Variants in ERBB4 observed in about 807,000 individuals in gnomAD.
ERBB4 encodes erb-b2 receptor tyrosine kinase 4.
In ERBB4, 42 loss-of-function variants were observed where a neutral mutation model predicts 158.0. That is an observed-to-expected ratio of 0.27 (90% CI 0.21 to 0.34). ERBB4 has a LOEUF of 0.34. Ranked by LOEUF, ERBB4 falls within the 10% of genes least tolerant of loss-of-function variation. The pLI is 1.00. For synonymous variants in ERBB4, 583 were observed against 558.7 expected (o/e 1.04, Z -0.61); for missense variants, 1,333 against 1,624.1 (o/e 0.82, Z 3.08).
intron 21 of ERBB4, among the ~76,000 whole-genome samples, chr2:211,429,388 C>T (rs772726657): frequency 9.9e-5 from 15 of 152,066 alleles, no homozygotes; most frequent in Non-Finnish European, 1.9e-4. Context: ...AATGACCCCT[C>T]TCATCTTGGT....
rs951155338 is a variant in ERBB4 at position 212,321,823 on chromosome 2, G to C, written c.83-196920C>G. Among the ~76,000 whole-genome samples the C allele has an allele frequency of 2.0e-5, 3 of 150,400 alleles. 1 individual carries two copies. The highest frequency in any genetic ancestry group is 4.5e-5 in the Non-Finnish European group (3 of 67,064). ...CCCTGGAATTATGCACAGTGACTTA[G>C]ATGTCTCGGTATCATTCATGGAATA... On this transcript the variant is annotated intron_variant, in intron 1 of 27. Transcript: ENST00000342788.
chr2:212,221,442 T>C (rs761206541), intron 1 of ERBB4, among the ~76,000 whole-genome samples: 1 of 151,538 alleles, frequency 6.6e-6, no homozygotes, highest in East Asian at 1.9e-4. Context: ...GGTATAGGTA[T>C]CAGTCACCTA....
At chr2:212,279,491 C>T (rs755711314) in intron 1 of ERBB4, among the ~76,000 whole-genome samples, 1 of 151,710 alleles carries the variant, frequency 6.6e-6, no homozygotes, top group East Asian at 1.9e-4. Context: ...CTGCCATATA[C>T]TTACCACATA....
At chr2:212,150,658 C>T (rs1243259274) in intron 1 of ERBB4, among the ~76,000 whole-genome samples, 1 of 152,138 alleles carries the variant, frequency 6.6e-6, no homozygotes, top group Non-Finnish European at 1.5e-5. Flanking sequence ...AGTTTAGACT[C>T]TCACCTTTTA....
chr2:211,789,130 A>G (rs547708506), intron 3 of ERBB4, among the ~76,000 whole-genome samples: 12 of 152,302 alleles, frequency 7.9e-5, no homozygotes, highest in African/African-American at 2.9e-4. Flanking sequence ...GAAATTAGCT[A>G]CAAATACACA....
intron 1 of ERBB4, among the ~76,000 whole-genome samples, chr2:212,296,536 A>T (rs1239249389): frequency 3.3e-5 from 5 of 151,984 alleles, no homozygotes; most frequent in African/African-American, 1.2e-4. Context: ...TAACAGAATT[A>T]AATCAGTATA....
rs913276337 is a variant in ERBB4 at position 212,070,141 on chromosome 2, T to C, written c.234+54611A>G. The stretch of plus-strand genomic sequence containing the variant: ...TCTCTTAAAGAAAAAATGAAAATAA[T>C]TTTTTAAAAAGTACAAGACTTCTGC... On this transcript the variant is annotated intron_variant, in intron 2 of 27. Transcript: ENST00000342788. Among the ~76,000 whole-genome samples the C allele has an allele frequency of 4.0e-5, 6 of 151,846 alleles. No homozygotes were observed. In the South Asian group the frequency reaches 6.2e-4, roughly 16 times the overall value.
chr2:211,429,749 T>C (rs1190705323), intron 21 of ERBB4, among the ~76,000 whole-genome samples: 1 of 152,236 alleles, frequency 6.6e-6, no homozygotes, highest in Non-Finnish European at 1.5e-5. Context: ...TTGAAAGTAA[T>C]TTCCCTACGG....
At chr2:211,396,849 G>C (rs1279132157) in intron 25 of ERBB4, among the ~76,000 whole-genome samples, 2 of 152,118 alleles carry the variant, frequency 1.3e-5, no homozygotes, top group East Asian at 3.9e-4. Flanking sequence ...TTGTAACAAT[G>C]GTTTATTCAT....
chr2:211,722,278 AC>A, intron 7 of ERBB4, 114 bp downstream of exon 7: 1 of 850,022 alleles, frequency 1.2e-6, no homozygotes, highest in Non-Finnish European at 1.9e-6. Flanking sequence ...TAGTATCTAT[AC>A]CCAAAGTACT....
At chr2:211,414,637 A>G (rs2063343737) in intron 25 of ERBB4, among the ~76,000 whole-genome samples, 1 of 152,106 alleles carries the variant, frequency 6.6e-6, no homozygotes, top group Non-Finnish European at 1.5e-5. Flanking sequence ...CCAGAATGTG[A>G]GATTTCTGAC....
At chr2:211,563,925 A>G (rs1365925787) in intron 19 of ERBB4, among the ~76,000 whole-genome samples, 1 of 152,194 alleles carries the variant, frequency 6.6e-6, no homozygotes, top group East Asian at 1.9e-4. Flanking sequence ...TGTTCATTGT[A>G]TTACTCTTGA....
At chr2:211,709,501 A>G (rs1269857209) in intron 9 of ERBB4, among the ~76,000 whole-genome samples, 1 of 151,852 alleles carries the variant, frequency 6.6e-6, no homozygotes. Flanking sequence ...CAATCTTTCT[A>G]CTATCACAAA....
chr2:211,592,211 G>A (rs1278016406), intron 19 of ERBB4, among the ~76,000 whole-genome samples: 1 of 151,990 alleles, frequency 6.6e-6, no homozygotes, highest in East Asian at 1.9e-4. Flanking sequence ...GTTATCAATC[G>A]GATGAATTCC....
chr2:212,182,067 C>A (rs1379465485), intron 1 of ERBB4, among the ~76,000 whole-genome samples: 2 of 151,770 alleles, frequency 1.3e-5, no homozygotes, highest in African/African-American at 2.4e-5. Flanking sequence ...AACTTAATAA[C>A]TAAAATAGCC....
intron 20 of ERBB4, among the ~76,000 whole-genome samples, chr2:211,485,688 A>T (rs2065185316): frequency 7.3e-6 from 1 of 136,634 alleles, no homozygotes; most frequent in Admixed American, 7.7e-5. Context: ...ATCCAGGAAC[A>T]TGTCGCACCC....
intron 7 of ERBB4, among the ~76,000 whole-genome samples, chr2:211,721,452 A>AAAAAAAAAAAAAAAAAAAAAAAAT (rs1332941722): frequency 6.7e-6 from 1 of 148,470 alleles, no homozygotes; most frequent in Non-Finnish European, 1.5e-5. Flanking sequence ...GCAAAAAAAA[A>AAAAAAAAAAAAAAAAAAAAAAAAT]AAAAAAAAAA....
At chr2:212,508,289 C>T (rs1469512331) in intron 1 of ERBB4, among the ~76,000 whole-genome samples, 1 of 152,092 alleles carries the variant, frequency 6.6e-6, no homozygotes, top group Non-Finnish European at 1.5e-5. Context: ...TGGTCTGAAA[C>T]TGAATCTGCA....
chr2:212,434,782 G>T (rs867697935), intron 1 of ERBB4, among the ~76,000 whole-genome samples: 3 of 151,910 alleles, frequency 2.0e-5, no homozygotes, highest in African/African-American at 7.2e-5. Flanking sequence ...CTTCTATTAC[G>T]TAGATCATTC....
Sources: allele counts gnomAD v4.1 joint callset (sites outside exome capture counted in the v4.1 genomes callset), GRCh38; gene constraint gnomAD v4.1.1; transcripts MANE v1.5; gene names NCBI Gene and HGNC (gene_info 2026-07-23, HGNC 2026-07-21).